ROBO1: variants seen among roughly 807,000 people sequenced by gnomAD.
ROBO1 encodes roundabout guidance receptor 1, also known as roundabout homolog 1.
A neutral mutation model predicts 195.9 loss-of-function variants in ROBO1; 149 were observed. That is an observed-to-expected ratio of 0.76 (90% CI 0.67 to 0.87). The LOEUF is 0.87. Among genes scored for constraint, ROBO1 ranks in the 40% least tolerant of loss-of-function variants. The probability of loss-of-function intolerance (pLI) is 0.00; values close to 1 mark genes in which losing one functional copy is unlikely to be tolerated. For synonymous variants in ROBO1, 816 were observed against 733.2 expected, an observed-to-expected ratio of 1.11 and a Z score of -1.82; for missense variants, 1,933 against 2,068.3, an observed-to-expected ratio of 0.93 and a Z score of 1.27.
At chr3:79,073,612 C>T (rs187484748) in intron 3 of ROBO1, among the ~76,000 whole-genome samples, 9 of 151,902 alleles carry the variant, frequency 5.9e-5, no homozygotes, top group Admixed American at 5.9e-4. Flanking sequence ...TCAGCCAGGA[C>T]ATAGATTTAA....
intron 8 of ROBO1, chr3:78,692,906 T>A (rs2107869829): frequency 6.5e-6 from 1 of 154,228 alleles, no homozygotes; most frequent in Non-Finnish European, 1.4e-5. Flanking sequence ...ACAGGACTTT[T>A]AATGACTGTT....
chr3:79,438,835 G>A (rs1422217762), intron 2 of ROBO1, among the ~76,000 whole-genome samples: 3 of 151,842 alleles, frequency 2.0e-5, no homozygotes, highest in African/African-American at 7.3e-5. Flanking sequence ...CTTGGTTCCT[G>A]TGTTTGCTCC....
At chr3:79,112,728 A>G (rs972502094) in intron 3 of ROBO1, among the ~76,000 whole-genome samples, 2 of 146,242 alleles carry the variant, frequency 1.4e-5, no homozygotes, top group African/African-American at 5.0e-5. Context: ...GGACATAGGA[A>G]GGGGAACATC....
chr3:78,763,455 T>C (rs1276557248), intron 4 of ROBO1, among the ~76,000 whole-genome samples: 2 of 152,156 alleles, frequency 1.3e-5, no homozygotes, highest in Admixed American at 1.3e-4. Flanking sequence ...TACCTTAATC[T>C]TCCATATTAT....
chr3:79,538,530 C>A (rs1941955509), intron 2 of ROBO1, among the ~76,000 whole-genome samples: 1 of 152,076 alleles, frequency 6.6e-6, no homozygotes, highest in African/African-American at 2.4e-5. Context: ...TAGTCACTTG[C>A]CTCTCAGCTA....
intron 2 of ROBO1, among the ~76,000 whole-genome samples, chr3:79,277,167 C>T (rs2031107248): frequency 6.6e-6 from 1 of 152,000 alleles, no homozygotes; most frequent in African/African-American, 2.4e-5. Flanking sequence ...TATCTGCTCT[C>T]CAATGTGTAT....
chr3:79,255,470 G>A (rs1281096916), intron 2 of ROBO1, among the ~76,000 whole-genome samples: 1 of 152,120 alleles, frequency 6.6e-6, no homozygotes, highest in South Asian at 2.1e-4. Context: ...TGTTCTTGTA[G>A]GTGATTTTAC....
intron 2 of ROBO1, among the ~76,000 whole-genome samples, chr3:79,352,468 T>G (rs1384927900): frequency 6.6e-6 from 1 of 152,202 alleles, no homozygotes; most frequent in Non-Finnish European, 1.5e-5. Context: ...CACCGTCAAC[T>G]AGACTACGGA....
At chr3:79,243,153 G>T (rs1342901990) in intron 2 of ROBO1, among the ~76,000 whole-genome samples, 1 of 151,916 alleles carries the variant, frequency 6.6e-6, no homozygotes, top group Admixed American at 6.6e-5. Flanking sequence ...TCCCTACAAA[G>T]GACATGAACT....
chr3:78,742,973 T>C (rs1295949212), intron 5 of ROBO1, among the ~76,000 whole-genome samples: 5 of 152,198 alleles, frequency 3.3e-5, no homozygotes, highest in South Asian at 2.1e-4. Context: ...TAGTTCACTA[T>C]ATGATACATC....
intron 2 of ROBO1, among the ~76,000 whole-genome samples, chr3:79,579,221 T>C (rs1305317040): frequency 6.6e-6 from 1 of 152,160 alleles, no homozygotes; most frequent in Admixed American, 6.6e-5. Context: ...TAATTGTCAT[T>C]TAAAATGTAT....
At position 79,563,848 on chromosome 3, in the gene ROBO1, T is replaced by C. The variant is rs1186945006; in HGVS notation, c.88+25976A>G. Among the ~76,000 whole-genome samples, 5 of 152,148 alleles carry C rather than the reference T, an allele frequency of 3.3e-5. No homozygotes were observed. In the East Asian group the frequency reaches 9.7e-4, roughly 29 times the overall value. ...GTCATTATTTCTTCTACCATAAACA[T>C]TACTTAAAATATTTCTATTTTATAG... is the stretch of plus-strand genomic sequence containing the variant. On this transcript the variant is annotated intron_variant, in intron 2 of 30. Transcript: ENST00000464233.
At chr3:79,115,240 A>G (rs1272615947) in intron 3 of ROBO1, among the ~76,000 whole-genome samples, 1 of 152,160 alleles carries the variant, frequency 6.6e-6, no homozygotes, top group African/African-American at 2.4e-5. Context: ...CTAAGAACAC[A>G]AAAATGTGCT....
intron 4 of ROBO1, among the ~76,000 whole-genome samples, chr3:78,750,129 T>A (rs1471832396): frequency 1.3e-5 from 2 of 152,136 alleles, no homozygotes; most frequent in Non-Finnish European, 2.9e-5. Flanking sequence ...TCATTAAATA[T>A]TTGAATCCTA....
chr3:79,215,545 G>T (rs1353587127), intron 2 of ROBO1, among the ~76,000 whole-genome samples: 1 of 152,186 alleles, frequency 6.6e-6, no homozygotes, highest in Non-Finnish European at 1.5e-5. Context: ...GTCAGTCCCT[G>T]AGGACCAGCA....
intron 4 of ROBO1, among the ~76,000 whole-genome samples, chr3:78,885,257 G>C (rs998634011): frequency 6.6e-6 from 1 of 151,934 alleles, no homozygotes; most frequent in African/African-American, 2.4e-5. Context: ...GGGGTCTCTT[G>C]TGGGGTGGAG....
intron 4 of ROBO1, among the ~76,000 whole-genome samples, chr3:78,911,112 C>A (rs557348956): frequency 6.6e-6 from 1 of 152,042 alleles, no homozygotes; most frequent in South Asian, 2.1e-4. Flanking sequence ...TGTCACAGCA[C>A]TAAATAATGC....
intron 5 of ROBO1, among the ~76,000 whole-genome samples, chr3:78,736,568 A>C (rs1397964077): frequency 6.6e-6 from 1 of 152,162 alleles, no homozygotes. Flanking sequence ...CCACATGCCA[A>C]GACTCTCATA....
chr3:78,952,668 A>G (rs1349787908), intron 3 of ROBO1, among the ~76,000 whole-genome samples: 1 of 152,018 alleles, frequency 6.6e-6, no homozygotes, highest in East Asian at 1.9e-4. Context: ...TACTGTTGAA[A>G]TAAGAAGCAT....
Sources: gnomAD v4.1 joint callset for allele counts (sites outside exome capture counted in the v4.1 genomes callset) on GRCh38, gnomAD v4.1.1 for gene constraint, MANE v1.5 for transcripts, NCBI Gene and HGNC (gene_info 2026-07-23, HGNC 2026-07-21) for gene names.